AP4S1: variants seen among roughly 807,000 people sequenced by gnomAD.
The protein encoded by AP4S1 is adaptor related protein complex 4 subunit sigma 1.
In AP4S1, 23 loss-of-function variants were observed where a neutral mutation model predicts 19.8. The observed-to-expected ratio is 1.16, with a 90% CI of 0.84 to 1.65. The LOEUF (loss-of-function observed/expected upper bound fraction) is 1.65. AP4S1 is among the 40% of genes most tolerant of loss of function. The probability of loss-of-function intolerance (pLI) is 0.00; values close to 1 mark genes in which losing one functional copy is unlikely to be tolerated. For missense variants in AP4S1, 166 were observed against 172.8 expected, an observed-to-expected ratio of 0.96 and a Z score of 0.22; for synonymous variants, 46 against 54.1, an observed-to-expected ratio of 0.85 and a Z score of 0.66.
intron 2 of AP4S1, among the ~76,000 whole-genome samples, chr14:31,067,072 G>T (rs1365604795): frequency 1.3e-5 from 2 of 152,022 alleles, no homozygotes; most frequent in Non-Finnish European, 2.9e-5. Flanking sequence ...TTAGCTGGGC[G>T]TAATTGTGCA....
intron 1 of AP4S1, among the ~76,000 whole-genome samples, chr14:31,044,174 A>T (rs1040712035): frequency 3.3e-5 from 5 of 152,192 alleles, no homozygotes; most frequent in African/African-American, 1.2e-4. Flanking sequence ...AACAATATAG[A>T]ATAAATATTG....
chr14:31,052,747 A>AT (rs1885870088), intron 1 of AP4S1, among the ~76,000 whole-genome samples: 1 of 150,500 alleles, frequency 6.6e-6, no homozygotes, highest in Non-Finnish European at 1.5e-5. Context: ...AAAAAAAAAA[A>AT]GGTAGAATCA....
intron 1 of AP4S1, among the ~76,000 whole-genome samples, chr14:31,037,176 A>T (rs919589796): frequency 2.6e-5 from 4 of 151,858 alleles, no homozygotes; most frequent in Non-Finnish European, 5.9e-5. Flanking sequence ...ATGCACACAC[A>T]CACGCACACA....
chr14:31,056,278 T>C (rs1886110280), intron 1 of AP4S1, among the ~76,000 whole-genome samples: 1 of 152,108 alleles, frequency 6.6e-6, no homozygotes, highest in African/African-American at 2.4e-5. Context: ...AGCCTCAAAC[T>C]CTTGGGCTCA....
chr14:31,048,717 T>C (rs935944445), intron 1 of AP4S1, among the ~76,000 whole-genome samples: 3 of 151,992 alleles, frequency 2.0e-5, no homozygotes, highest in African/African-American at 7.2e-5. Flanking sequence ...CCAGCCTGGG[T>C]GACAGTGAGA....
At chr14:31,032,608 C>G (rs188274055) in intron 1 of AP4S1, among the ~76,000 whole-genome samples, 238 of 151,512 alleles carry the variant, frequency 1.6e-3, no homozygotes, top group African/African-American at 5.7e-3. Context: ...ACTGCAACCT[C>G]CACCTCCTGG....
intron 4 of AP4S1, among the ~76,000 whole-genome samples, chr14:31,074,523 A>AT (rs1887248581): frequency 6.6e-6 from 1 of 151,972 alleles, no homozygotes; most frequent in Non-Finnish European, 1.5e-5. Context: ...TCTACTAACC[A>AT]TACAAAAAAT....
chr14:31,039,340 C>T (rs984797087), intron 1 of AP4S1, among the ~76,000 whole-genome samples: 3 of 151,764 alleles, frequency 2.0e-5, no homozygotes, highest in Non-Finnish European at 4.4e-5. Context: ...TGTGAGCCAC[C>T]ATGCCCAGCT....
intron 1 of AP4S1, among the ~76,000 whole-genome samples, chr14:31,045,607 A>G (rs889261846): frequency 6.6e-6 from 1 of 152,098 alleles, no homozygotes; most frequent in Non-Finnish European, 1.5e-5. Flanking sequence ...ACTACTTTCT[A>G]TTATAAATTA....
At chr14:31,060,128 G>T (rs1886354569) in intron 1 of AP4S1, among the ~76,000 whole-genome samples, 1 of 150,912 alleles carries the variant, frequency 6.6e-6, no homozygotes, top group African/African-American at 2.4e-5. Flanking sequence ...TCTAGTTGCA[G>T]CAAGGAAATA....
In AP4S1 at chr14:31,025,673, G is replaced by A; in HGVS notation, c.-186G>A. The A allele has an allele frequency of 1.5e-6, 1 of 650,084 alleles. No individual in the cohort carries two copies. Among genetic ancestry groups the A allele is most frequent in the Non-Finnish European group, 2.5e-6 (1 of 399,012 alleles). The allele number at this position is 650,084 out of a possible 1,614,324, so 40.3% of individuals were successfully genotyped here. On this transcript the variant is annotated 5_prime_UTR_variant, in exon 1 of 6. Coordinates refer to ENST00000542754, the MANE Select transcript of AP4S1 (RefSeq NM_001128126.3). ...TACTAAAAGCCAAAATGGCTGCCCC[G>A]AGGAGGCCCGCACCGCGTAGCCAGT...
At chr14:31,053,955 T>C (rs537679073) in intron 1 of AP4S1, among the ~76,000 whole-genome samples, 2 of 152,316 alleles carry the variant, frequency 1.3e-5, no homozygotes, top group South Asian at 2.1e-4. Flanking sequence ...TGGATATATC[T>C]TTGGGAAAAT....
intron 2 of AP4S1, among the ~76,000 whole-genome samples, chr14:31,067,671 A>T (rs1886798961): frequency 6.6e-6 from 1 of 151,688 alleles, no homozygotes; most frequent in South Asian, 2.1e-4. Context: ...GGCTCGTGCC[A>T]CCACACCCAG....
intron 4 of AP4S1, among the ~76,000 whole-genome samples, chr14:31,075,100 C>G (rs1233609416): frequency 6.6e-6 from 1 of 152,214 alleles, no homozygotes; most frequent in African/African-American, 2.4e-5. Context: ...AGTCACCCTA[C>G]TGATTTATCA....
Position 31,058,527 on chromosome 14 carries a change from ATGTGTGTGTGTGTGTGTGTGTG to A in AP4S1, c.-71-7571_-71-7550del, listed in dbSNP as rs140119208. 6.7e-3 allele frequency among the ~76,000 whole-genome samples: 922 copies of A among 136,650 alleles called. 5 individuals are homozygous for A. Among genetic ancestry groups the A allele is most frequent in the African/African-American group, 0.011 (361 of 34,348 alleles). 89.6% of individuals were successfully genotyped at this position (136,650 alleles called of 152,430 possible). The stretch of plus-strand genomic sequence containing the variant: ...ACATCTTCCCCATCTCTGTGTGTGT[ATGTGTGTGTGTGTGTGTGTGTG>A]TGTGTGTGTGTGTGTGTGTGTGTGT... On this transcript the variant is annotated intron_variant, in intron 1 of 5. Coordinates refer to ENST00000542754, the MANE Select transcript of AP4S1 (RefSeq NM_001128126.3).
chr14:31,077,092 G>A (rs892283037), intron 4 of AP4S1, among the ~76,000 whole-genome samples: 1 of 151,968 alleles, frequency 6.6e-6, no homozygotes, highest in African/African-American at 2.4e-5. Context: ...ACCACGCCTG[G>A]CTAATTTTTG....
chr14:31,087,139 C>T (rs1251967875), intron 5 of AP4S1, among the ~76,000 whole-genome samples: 2 of 152,034 alleles, frequency 1.3e-5, no homozygotes, highest in Admixed American at 1.3e-4. Context: ...GGAGCTCAAG[C>T]GATCCTCCCA....
At chr14:31,081,676 A>G (rs757166404) in intron 5 of AP4S1, among the ~76,000 whole-genome samples, 1 of 151,460 alleles carries the variant, frequency 6.6e-6, no homozygotes, top group South Asian at 2.1e-4. Context: ...ATATAAGAAT[A>G]TAACAACTAT....
intron 4 of AP4S1, among the ~76,000 whole-genome samples, chr14:31,074,387 T>A (rs984918104): frequency 2.6e-5 from 4 of 151,436 alleles, no homozygotes; most frequent in African/African-American, 9.7e-5. Flanking sequence ...GCGCGGTGGC[T>A]GACGCCTGTA....
Sources: gnomAD v4.1 joint callset for allele counts (sites outside exome capture counted in the v4.1 genomes callset) on GRCh38, gnomAD v4.1.1 for gene constraint, MANE v1.5 for transcripts, NCBI Gene and HGNC (gene_info 2026-07-23, HGNC 2026-07-21) for gene names.